LTV1: variants seen among roughly 807,000 people sequenced by gnomAD.
LTV1 encodes LTV1 ribosome biogenesis factor.
Under a neutral mutation model 59.9 loss-of-function variants are expected in LTV1, and 39 were observed. The observed-to-expected ratio is 0.65, with a 90% CI of 0.50 to 0.85. The LOEUF (loss-of-function observed/expected upper bound fraction) is 0.85. Among genes scored for constraint, LTV1 ranks in the 40% least tolerant of loss-of-function variants. The pLI, the probability that LTV1 is intolerant of heterozygous loss-of-function variation, is 0.00. For missense variants in LTV1, 493 were observed against 549.1 expected, an observed-to-expected ratio of 0.90 and a Z score of 1.02; for synonymous variants, 171 against 189.5, an observed-to-expected ratio of 0.90 and a Z score of 0.80.
rs80279304 is a variant in LTV1, at chr6:143,862,158, T to C, written c.978T>C (p.Asn326=). ...EPLEDQDLPM[N]ELDESEEEEM... is the part of the protein sequence containing the mutation. ...TGGAGGATCAAGACCTGCCAATGAATGAGCTTGATGAGTCTGAGGAGGAAG... is the reference window on the plus strand; with the variant it reads ...TGGAGGATCAAGACCTGCCAATGAACGAGCTTGATGAGTCTGAGGAGGAAG... Residue 326 remains asparagine (N), a synonymous_variant, in exon 8 of 11, where the codon AAT becomes AAC. Transcript: ENST00000367576. This position sits in a 1 kb window ranked among gnomAD's most constrained non-coding sequence, Gnocchi z 4.2. 19 of 1,613,898 alleles carry C rather than the reference T, an allele frequency of 1.2e-5. No homozygotes were observed. The highest frequency in any genetic ancestry group is 1.6e-5 in the Non-Finnish European group (19 of 1,179,764).
Position 143,863,395 on chromosome 6 carries a change from T to C in LTV1, c.1318-22T>C, listed in dbSNP as rs893694355. The C allele has an allele frequency of 1.0e-5, 16 of 1,577,828 alleles. No homozygotes were observed. Among genetic ancestry groups the C allele is most frequent in the Non-Finnish European group, 1.2e-5 (14 of 1,147,908 alleles). On this transcript the variant is annotated intron_variant, in intron 10 of 10. Transcript: ENST00000367576. This position sits in a 1 kb window ranked among gnomAD's most constrained non-coding sequence, Gnocchi z 4.5. Reference sequence around the variant, plus strand: ...AGTTTAAAGATGTGAATAATACAAGTATATTCTTGTACTTATAACAGGAAC... The same window carrying C: ...AGTTTAAAGATGTGAATAATACAAGCATATTCTTGTACTTATAACAGGAAC...
intron 2 of LTV1, among the ~76,000 whole-genome samples, chr6:143,845,487 C>T (rs1776876477): frequency 6.6e-6 from 1 of 152,170 alleles, no homozygotes; most frequent in Non-Finnish European, 1.5e-5. Flanking sequence ...GCGATCCTCC[C>T]ACCTTAGCCT....
Position 143,862,706 on chromosome 6 carries a change from T to C in LTV1, c.1064-138T>C. ...ATTCCAATACTGAGTTGTAAGCAAT[T>C]TATAAAACATTGATCAGAGACTCCA... On this transcript the variant is annotated intron_variant, in intron 8 of 10. Coordinates refer to ENST00000367576, the MANE Select transcript of LTV1 (RefSeq NM_032860.5). This position sits in a 1 kb window ranked among gnomAD's most constrained non-coding sequence, Gnocchi z 4.2. 1.6e-6 allele frequency: 1 copy of C among 635,242 alleles called. No individual in the cohort carries two copies. 39.4% of individuals were successfully genotyped at this position (635,242 alleles called of 1,614,324 possible).
rs1396349819 is a variant in LTV1 at position 143,844,572 on chromosome 6, A to G, written c.90A>G (p.Ala30=). 2 of 1,614,158 alleles carry G rather than the reference A, an allele frequency of 1.2e-6. No individual in the cohort carries two copies. Among genetic ancestry groups the G allele is most frequent in the South Asian group, 1.1e-5 (1 of 91,086 alleles). Residue 30 remains alanine (A), a synonymous_variant, in exon 2 of 11, where the codon GCA becomes GCG. Coordinates refer to ENST00000367576, the MANE Select transcript of LTV1 (RefSeq NM_032860.5). ...LVHRSQRDPL[A]ADESAPQRVL... Reference sequence around the variant, plus strand: ...ACCGGAGCCAACGAGATCCTTTAGCAGCAGATGAGAGTGCACCCCAGAGGG... The same window carrying G: ...ACCGGAGCCAACGAGATCCTTTAGCGGCAGATGAGAGTGCACCCCAGAGGG...
At position 143,843,407 on chromosome 6, in the gene LTV1, T is replaced by C; in HGVS notation, c.-71T>C. On this transcript the variant is annotated 5_prime_UTR_variant, in exon 1 of 11. Coordinates refer to ENST00000367576, the MANE Select transcript of LTV1 (RefSeq NM_032860.5). Reference sequence around the variant, plus strand: ...TACAGAAGCGGCCTTCAGCTGGACCTTGGTCTCCCCGCCGGACTTCGAGGG... The same window carrying C: ...TACAGAAGCGGCCTTCAGCTGGACCCTGGTCTCCCCGCCGGACTTCGAGGG... The C allele has an allele frequency of 6.2e-7, 1 of 1,604,526 alleles. No homozygotes were observed.
At chr6:143,843,525 G>A in intron 1 of LTV1, 45 bp downstream of exon 1, 3 of 1,612,682 alleles carry the variant, frequency 1.9e-6, no homozygotes, top group Non-Finnish European at 2.5e-6. Context: ...CTGTGGTTTT[G>A]CAGAGGCCAG....
rs1158654564 is a variant in LTV1 at position 143,862,772 on chromosome 6, G to A, written c.1064-72G>A. ...ATGAAAACACAAGGTCAGAAATATA[G>A]TAGGAATTCAGTAATGCTTTGTGGA... is the stretch of plus-strand genomic sequence containing the variant. On this transcript the variant is annotated intron_variant, in intron 8 of 10. Coordinates refer to ENST00000367576, the MANE Select transcript of LTV1 (RefSeq NM_032860.5). The surrounding 1 kb of genome is among the most constrained non-coding windows in gnomAD (Gnocchi z 4.2). 1 of 932,724 alleles carries A rather than the reference G, an allele frequency of 1.1e-6. No individual in the cohort carries two copies. The highest frequency in any genetic ancestry group is 1.8e-6 in the Non-Finnish European group (1 of 563,678). The allele number at this position is 932,724 out of a possible 1,614,324, so 57.8% of individuals were successfully genotyped here.
At chr6:143,860,676 G>A in intron 7 of LTV1, 123 bp downstream of exon 7, 103 of 734,938 alleles carry the variant, frequency 1.4e-4, no homozygotes, top group South Asian at 5.4e-4. Context: ...TACATATTGA[G>A]AAAATGAAAA....
chr6:143,854,103 G>A (rs1582938930), intron 4 of LTV1, among the ~76,000 whole-genome samples: 1 of 151,962 alleles, frequency 6.6e-6, no homozygotes, highest in African/African-American at 2.4e-5. Flanking sequence ...TTGGTTGGTA[G>A]GCTATTGCTG....
intron 4 of LTV1, among the ~76,000 whole-genome samples, chr6:143,851,701 C>G (rs1776985537): frequency 6.6e-6 from 1 of 152,012 alleles, no homozygotes; most frequent in South Asian, 2.1e-4. Context: ...TTAGGCATTT[C>G]TCCTAATGCT....
Position 143,857,832 on chromosome 6 carries a change from C to T in LTV1, c.620C>T (p.Ala207Val). 1 of 1,614,010 alleles carries T rather than the reference C, an allele frequency of 6.2e-7. No individual in the cohort carries two copies. The highest frequency in any genetic ancestry group is 8.5e-7 in the Non-Finnish European group (1 of 1,179,934). ...GATAGCAATGATGACTATGACTCTG[C>T]AGGCCTATTGTCAGATGAAGACTGT... ...KGDSNDDYDS[A>V]GLLSDEDCMS... Residue 207 changes from alanine to valine, a missense_variant, in exon 6 of 11, where the codon GCA (alanine) becomes GTA (valine). By Grantham distance (64) the Ala-to-Val change is moderately conservative. Coordinates refer to ENST00000367576, the MANE Select transcript of LTV1 (RefSeq NM_032860.5). This position sits in a 1 kb window ranked among gnomAD's most constrained non-coding sequence, Gnocchi z 5.2.
intron 3 of LTV1, among the ~76,000 whole-genome samples, chr6:143,847,663 A>G (rs1339938905): frequency 1.3e-5 from 2 of 152,232 alleles, no homozygotes; most frequent in East Asian, 3.8e-4. Flanking sequence ...GCCCGGTCGT[A>G]TAAGACTAAC....
In LTV1 at chr6:143,862,842, A is replaced by G; in HGVS notation, c.1064-2A>G. On this transcript the variant is annotated splice_acceptor_variant, in intron 8 of 10. Transcript: ENST00000367576. LOFTEE classifies it high-confidence loss of function. The surrounding 1 kb of genome is among the most constrained non-coding windows in gnomAD (Gnocchi z 4.2). ...ATACATGACTTTTATTTGTTTGTTTAGGTACATACTCAAATTTATATAACC... is the reference window on the plus strand; with the variant it reads ...ATACATGACTTTTATTTGTTTGTTTGGGTACATACTCAAATTTATATAACC... The G allele has an allele frequency of 6.5e-7, 1 of 1,546,742 alleles. No homozygotes were observed. Among genetic ancestry groups the G allele is most frequent in the Non-Finnish European group, 8.9e-7 (1 of 1,118,934 alleles).
chr6:143,844,377 TA>T (rs1291121992), intron 1 of LTV1, 108 bp from the exon 2 acceptor site: 1 of 1,239,730 alleles, frequency 8.1e-7, no homozygotes, highest in Non-Finnish European at 1.1e-6. Context: ...TGTAGATTTT[TA>T]AAAAGTATCT....
At chr6:143,845,141 A>G (rs1243665735) in intron 2 of LTV1, among the ~76,000 whole-genome samples, 16 of 152,132 alleles carry the variant, frequency 1.1e-4, no homozygotes, top group Non-Finnish European at 1.9e-4. Context: ...AATGTAAAAT[A>G]TCTGAGCTCC....
intron 4 of LTV1, among the ~76,000 whole-genome samples, chr6:143,854,534 T>C (rs894548401): frequency 1.3e-5 from 2 of 152,212 alleles, no homozygotes; most frequent in African/African-American, 4.8e-5. Context: ...TTAATTGTGA[T>C]GTTAGGGTGT....
chr6:143,858,958 T>C (rs561499520), intron 6 of LTV1, among the ~76,000 whole-genome samples: 2 of 152,204 alleles, frequency 1.3e-5, no homozygotes, highest in Non-Finnish European at 2.9e-5. Flanking sequence ...CACCCTAGTT[T>C]TGATTCTGGA....
In LTV1 at chr6:143,855,089, T is replaced by C. The variant is rs1036306282; in HGVS notation, c.398-2214T>C. On this transcript the variant is annotated intron_variant, in intron 4 of 10. Coordinates refer to ENST00000367576, the MANE Select transcript of LTV1 (RefSeq NM_032860.5). The surrounding 1 kb of genome is among the most constrained non-coding windows in gnomAD (Gnocchi z 4.6). ...TTATTGTGTGGGAGTCTAAGTCTCT[T>C]TGTAGGTCTCTTAGAACTTGCTTTA... Among the ~76,000 whole-genome samples, 2 of 152,204 alleles carry C rather than the reference T, an allele frequency of 1.3e-5. No homozygotes were observed. The highest frequency in any genetic ancestry group is 4.8e-5 in the African/African-American group (2 of 41,458).
intron 4 of LTV1, among the ~76,000 whole-genome samples, chr6:143,851,303 T>C (rs150010947): frequency 3.4e-4 from 52 of 152,312 alleles, no homozygotes; most frequent in African/African-American, 1.1e-3. Flanking sequence ...TCCTAAGCAG[T>C]GTGCCCAGAG....
Sources: gnomAD v4.1 joint callset for allele counts (sites outside exome capture counted in the v4.1 genomes callset) on GRCh38, gnomAD v4.1.1 for gene constraint, Gnocchi (gnomAD v3.1) non-coding constraint, MANE v1.5 for transcripts, NCBI Gene and HGNC (gene_info 2026-07-23, HGNC 2026-07-21) for gene names.